Variants in RPS6KC1 observed in about 807,000 individuals in gnomAD.
RPS6KC1 encodes the protein inactive ribosomal protein S6 kinase delta-1.
In RPS6KC1, 54 loss-of-function variants were observed where a neutral mutation model predicts 103.8. That is an observed-to-expected ratio of 0.52 (90% CI 0.42 to 0.65). The LOEUF is 0.65. Ranked by LOEUF, RPS6KC1 falls within the 30% of genes least tolerant of loss-of-function variation. The pLI is 0.00. For missense variants in RPS6KC1, 1,151 were observed against 1,253.8 expected (o/e 0.92, Z 1.24); for synonymous variants, 439 against 438.7 (o/e 1.00, Z -0.01).
chr1:213,781,554 A>C, the RPS6KC1 span, among the ~76,000 whole-genome samples: 8 of 152,270 alleles, frequency 5.3e-5, no homozygotes, highest in South Asian at 1.2e-3. Context: ...TCCACGTGTG[A>C]ATTTGGAAGT....
At chr1:213,409,505 C>T in the RPS6KC1 span, among the ~76,000 whole-genome samples, 1 of 152,020 alleles carries the variant, frequency 6.6e-6, no homozygotes, top group African/African-American at 2.4e-5. Flanking sequence ...AAACATGAGG[C>T]AGGTTCAGGC....
the RPS6KC1 span, among the ~76,000 whole-genome samples, chr1:213,783,598 T>C: frequency 1.3e-5 from 2 of 151,916 alleles, no homozygotes; most frequent in Non-Finnish European, 2.9e-5. Context: ...TTAACAAACA[T>C]GAAACGAAAA....
the RPS6KC1 span, among the ~76,000 whole-genome samples, chr1:213,428,390 C>T: frequency 1.3e-5 from 2 of 150,896 alleles, no homozygotes; most frequent in East Asian, 2.0e-4. Context: ...TTTTTACCTC[C>T]CTCTCTCTCC....
chr1:213,150,955 A>C (rs1572855044), intron 6 of RPS6KC1, among the ~76,000 whole-genome samples: 5 of 131,044 alleles, frequency 3.8e-5, no homozygotes, highest in African/African-American at 8.9e-5. Context: ...TGACCCCCCC[A>C]CCTCCCTCCC....
intron 4 of RPS6KC1, among the ~76,000 whole-genome samples, chr1:213,106,132 A>G (rs182046836): frequency 6.6e-6 from 1 of 152,316 alleles, no homozygotes; most frequent in East Asian, 1.9e-4. Flanking sequence ...CTAATCTTGG[A>G]AAGTATCTTA....
the RPS6KC1 span, among the ~76,000 whole-genome samples, chr1:213,798,785 G>T: frequency 5.1e-4 from 78 of 152,322 alleles, no homozygotes; most frequent in African/African-American, 1.8e-3. Context: ...TGCCTCACGT[G>T]GGGGCAATGT....
At chr1:213,623,487 A>G in the RPS6KC1 span, among the ~76,000 whole-genome samples, 104,613 of 151,984 alleles carry the variant, frequency 0.69, 36,340 homozygotes, top group African/African-American at 0.8. Flanking sequence ...AAAGTCACCC[A>G]TAAGCGCTTA....
chr1:213,117,185 T>C (rs2083752231), intron 4 of RPS6KC1, 132 bp from the exon 5 acceptor site: 2 of 530,888 alleles, frequency 3.8e-6, no homozygotes, highest in African/African-American at 3.9e-5. Context: ...AAAACACTTG[T>C]CATCTAGTTT....
At chr1:213,200,368 AAAAC>A (rs1184665539) in intron 8 of RPS6KC1, among the ~76,000 whole-genome samples, 1 of 152,212 alleles carries the variant, frequency 6.6e-6, no homozygotes, top group Non-Finnish European at 1.5e-5. Context: ...AGACCTGACA[AAAAC>A]AAGCAATGGG....
chr1:213,474,273 G>A, the RPS6KC1 span, among the ~76,000 whole-genome samples: 1 of 152,166 alleles, frequency 6.6e-6, no homozygotes, highest in Non-Finnish European at 1.5e-5. Context: ...CAGTTCCCAA[G>A]CAGAGCTGAG....
the RPS6KC1 span, among the ~76,000 whole-genome samples, chr1:213,614,981 A>AT: frequency 3.3e-5 from 5 of 152,156 alleles, no homozygotes; most frequent in African/African-American, 1.2e-4. Context: ...AAGTGTTGGG[A>AT]TTACAGTCAT....
intron 7 of RPS6KC1, among the ~76,000 whole-genome samples, 171 bp from the exon 8 acceptor site, chr1:213,176,229 T>G (rs1242412962): frequency 6.6e-6 from 1 of 152,210 alleles, no homozygotes; most frequent in Non-Finnish European, 1.5e-5. Flanking sequence ...TTCTTTAGTT[T>G]TTATTTTTAA....
chr1:213,379,206 G>C, the RPS6KC1 span, among the ~76,000 whole-genome samples: 1 of 151,868 alleles, frequency 6.6e-6, no homozygotes, highest in Non-Finnish European at 1.5e-5. Context: ...ATTGAATTCT[G>C]TCTCTCCCAA....
intron 6 of RPS6KC1, among the ~76,000 whole-genome samples, chr1:213,166,640 T>C (rs1162334227): frequency 2.6e-5 from 4 of 152,194 alleles, no homozygotes; most frequent in Non-Finnish European, 2.9e-5. Context: ...AGACCAGTTA[T>C]ATTTGTGAAT....
the RPS6KC1 span, among the ~76,000 whole-genome samples, chr1:213,656,239 ATC>A: frequency 6.6e-6 from 1 of 152,142 alleles, no homozygotes; most frequent in Non-Finnish European, 1.5e-5. Flanking sequence ...TGCACTGCCA[ATC>A]TCAGCCTGTG....
chr1:213,230,572 T>C lies in RPS6KC1; in HGVS notation c.1092+28T>C, dbSNP rs754738579. ...AAGTAAAATTTGTAGCCAGGCGCGG[T>C]GCCTATAATTCCAGCACTTTGGGAG... On this transcript the variant is annotated intron_variant, in intron 9 of 14. Transcript: ENST00000366960. 6.3e-6 allele frequency: 10 copies of C among 1,580,622 alleles called. No homozygotes were observed. In the South Asian group the frequency reaches 1.0e-4, roughly 16 times the overall value.
the RPS6KC1 span, among the ~76,000 whole-genome samples, chr1:213,325,283 C>T: frequency 6.6e-6 from 1 of 152,320 alleles, no homozygotes; most frequent in East Asian, 1.9e-4. Flanking sequence ...CTTTCGCTTT[C>T]TAAGTGTCTT....
At chr1:213,780,492 A>G in the RPS6KC1 span, among the ~76,000 whole-genome samples, 1 of 152,220 alleles carries the variant, frequency 6.6e-6, no homozygotes, top group Non-Finnish European at 1.5e-5. Flanking sequence ...TCTAAGTGCA[A>G]AACTTTACAA....
the RPS6KC1 span, among the ~76,000 whole-genome samples, chr1:213,551,736 C>T: frequency 5.3e-5 from 8 of 152,206 alleles, no homozygotes; most frequent in Admixed American, 2.0e-4. Context: ...TCGTTTACGC[C>T]GGGGTTCTTT....
Sources: gnomAD v4.1 joint callset for allele counts (sites outside exome capture counted in the v4.1 genomes callset) on GRCh38, gnomAD v4.1.1 for gene constraint, MANE v1.5 for transcripts, NCBI Gene and HGNC (gene_info 2026-07-23, HGNC 2026-07-21) for gene names.